Variants in WDPCP observed in about 807,000 individuals in gnomAD.
WDPCP encodes the protein WD repeat-containing and planar cell polarity effector protein fritz homolog.
A neutral mutation model predicts 93.1 loss-of-function variants in WDPCP; 71 were observed. That is an observed-to-expected ratio of 0.76 (90% CI 0.63 to 0.93). The LOEUF is 0.93. Ranked by LOEUF, WDPCP falls within the 40% of genes least tolerant of loss-of-function variation. The pLI, the probability that WDPCP is intolerant of heterozygous loss-of-function variation, is 0.00. For synonymous variants in WDPCP, 315 were observed against 315.0 expected (o/e 1.00, Z 0.00); for missense variants, 844 against 887.4 (o/e 0.95, Z 0.62).
intron 12 of WDPCP, among the ~76,000 whole-genome samples, chr2:63,333,791 CGGAGGGCT>C (rs1688156718): frequency 6.6e-6 from 1 of 152,162 alleles, no homozygotes; most frequent in African/African-American, 2.4e-5. Context: ...TCAGGACCTC[CGGAGGGCT>C]GTGTCATGGG....
rs557733972 is a variant in WDPCP at position 63,140,298 on chromosome 2, C to T, written c.2190+12616G>A. Among the ~76,000 whole-genome samples, 13 of 152,112 alleles carry T rather than the reference C, an allele frequency of 8.5e-5. No individual in the cohort carries two copies. The South Asian group carries it at 2.3e-3, about 27-fold the overall frequency. ...TTAGTCTGCTTTGGCTGTGTGGGCTCTTTCTTGGTTCCATATGAATTTTAG... is the reference window on the plus strand; with the variant it reads ...TTAGTCTGCTTTGGCTGTGTGGGCTTTTTCTTGGTTCCATATGAATTTTAG... On this transcript the variant is annotated intron_variant, in intron 17 of 17. Coordinates refer to ENST00000272321, the MANE Select transcript of WDPCP (RefSeq NM_015910.7).
intron 1 of WDPCP, among the ~76,000 whole-genome samples, chr2:63,532,991 C>T (rs568700097): frequency 6.6e-5 from 10 of 152,096 alleles, no homozygotes; most frequent in African/African-American, 1.7e-4. Context: ...CACATATAGA[C>T]TCAAAATAAA....
chr2:63,517,604 G>A (rs984847522), intron 1 of WDPCP, among the ~76,000 whole-genome samples: 1 of 152,090 alleles, frequency 6.6e-6, no homozygotes, highest in Non-Finnish European at 1.5e-5. Flanking sequence ...GCAAGGTCCA[G>A]GGCCCCATTC....
At chr2:63,461,116 A>C (rs1698978771) in intron 6 of WDPCP, among the ~76,000 whole-genome samples, 1 of 152,190 alleles carries the variant, frequency 6.6e-6, no homozygotes, top group East Asian at 1.9e-4. Context: ...GGAATGGTGC[A>C]TGCAAAGGCC....
chr2:63,713,784 C>G (rs1276419395), intron 2 of WDPCP, among the ~76,000 whole-genome samples: 1 of 152,114 alleles, frequency 6.6e-6, no homozygotes, highest in Non-Finnish European at 1.5e-5. Flanking sequence ...TCATTTAAAC[C>G]AATTCTCATC....
chr2:63,249,102 G>A (rs960316501), intron 14 of WDPCP, among the ~76,000 whole-genome samples: 3 of 151,640 alleles, frequency 2.0e-5, no homozygotes, highest in Admixed American at 6.6e-5. Flanking sequence ...GCCTTGTGGG[G>A]TGTGTGTGTG....
At position 63,588,376 on chromosome 2, in the gene WDPCP, C is replaced by G; in HGVS notation, c.-105G>C. 7.5e-7 allele frequency: 1 copy of G among 1,336,016 alleles called. No homozygotes were observed. Among genetic ancestry groups the G allele is most frequent in the Non-Finnish European group, 1.1e-6 (1 of 950,828 alleles). 82.8% of individuals were successfully genotyped at this position (1,336,016 alleles called of 1,614,324 possible). ...TTGGGTCTCCAGGACGCCGCCGCCG[C>G]CGCCACAGTTTCCTCAGGTGCTACA... On this transcript the variant is annotated 5_prime_UTR_variant, in exon 1 of 18. Coordinates refer to ENST00000272321, the MANE Select transcript of WDPCP (RefSeq NM_015910.7).
At chr2:63,175,780 C>T (rs1673758480) in intron 14 of WDPCP, among the ~76,000 whole-genome samples, 1 of 152,164 alleles carries the variant, frequency 6.6e-6, no homozygotes, top group South Asian at 2.1e-4. Flanking sequence ...CTTTTTAAGA[C>T]TGAATAGTAA....
intron 2 of WDPCP, among the ~76,000 whole-genome samples, chr2:63,778,201 C>CTTGTTTT (rs962921820): frequency 7.3e-6 from 1 of 136,976 alleles, no homozygotes; most frequent in Admixed American, 7.0e-5. Flanking sequence ...CCCTTGTCCA[C>CTTGTTTT]TTGTTTTTTG....
intron 13 of WDPCP, among the ~76,000 whole-genome samples, chr2:63,305,714 A>G (rs1182472555): frequency 6.6e-6 from 1 of 152,214 alleles, no homozygotes; most frequent in Non-Finnish European, 1.5e-5. Context: ...AGTGAGACGA[A>G]TTGACAGTAG....
At chr2:63,733,955 C>G (rs1022463450) in intron 2 of WDPCP, among the ~76,000 whole-genome samples, 1 of 152,146 alleles carries the variant, frequency 6.6e-6, no homozygotes, top group African/African-American at 2.4e-5. Context: ...TACTTTGTCT[C>G]TATGAATGTG....
chr2:63,240,505 C>T (rs1426170070), intron 14 of WDPCP, among the ~76,000 whole-genome samples: 1 of 152,018 alleles, frequency 6.6e-6, no homozygotes, highest in East Asian at 1.9e-4. Flanking sequence ...TAGTTTGTAC[C>T]ATATAACTGC....
intron 2 of WDPCP, among the ~76,000 whole-genome samples, chr2:63,692,920 T>C (rs963014536): frequency 6.6e-6 from 1 of 152,350 alleles, no homozygotes; most frequent in South Asian, 2.1e-4. Context: ...TAACATTTAT[T>C]GAGCACTGGC....
At position 63,130,718 on chromosome 2, in the gene WDPCP, T is replaced by A. The variant is rs1192659618; in HGVS notation, c.2191-8662A>T. ...ATGTGTCTGTTCCATCCAGTTGGTC[T>A]GTAGTGTTTTTCAAGTCTTCTGTTG... On this transcript the variant is annotated intron_variant, in intron 17 of 17. Transcript: ENST00000272321. 2.0e-5 allele frequency among the ~76,000 whole-genome samples: 3 copies of A among 152,226 alleles called. No individual in the cohort carries two copies. The East Asian group carries it at 5.8e-4, about 29-fold the overall frequency.
intron 1 of WDPCP, among the ~76,000 whole-genome samples, chr2:63,581,294 G>C (rs762028138): frequency 2.6e-5 from 4 of 152,186 alleles, no homozygotes; most frequent in Non-Finnish European, 5.9e-5. Context: ...GAGAAGACAA[G>C]GTAGTTAGTT....
At chr2:63,737,355 G>A (rs74380617) in intron 2 of WDPCP, among the ~76,000 whole-genome samples, 1,872 of 152,318 alleles carry the variant, frequency 0.012, 16 homozygotes, top group Non-Finnish European at 0.015. Flanking sequence ...GTCCTAAGAA[G>A]ATTAGCAAAC....
rs574908701 is a variant in WDPCP at position 63,413,019 on chromosome 2, A to C, written c.826-8362T>G. On this transcript the variant is annotated intron_variant, in intron 9 of 17. Coordinates refer to ENST00000272321, the MANE Select transcript of WDPCP (RefSeq NM_015910.7). ...TCATTCTTCATGGAATTAGAAAAAC[A>C]ATTCTAAAATTCATATGGAACCAAA... 3.9e-5 allele frequency among the ~76,000 whole-genome samples: 6 copies of C among 152,298 alleles called. No individual in the cohort carries two copies. In the South Asian group the frequency reaches 1.2e-3, roughly 32 times the overall value.
intron 15 of WDPCP, among the ~76,000 whole-genome samples, chr2:63,160,345 A>C (rs1672559882): frequency 6.6e-6 from 1 of 152,204 alleles, no homozygotes; most frequent in African/African-American, 2.4e-5. Context: ...TGTGATTAAC[A>C]TTTTTATGTT....
chr2:63,319,238 A>G (rs1299618927), intron 12 of WDPCP, among the ~76,000 whole-genome samples: 1 of 152,232 alleles, frequency 6.6e-6, no homozygotes, highest in Non-Finnish European at 1.5e-5. Flanking sequence ...TAAGGGTTTT[A>G]TAGTTGTAGG....
Sources: allele counts gnomAD v4.1 joint callset (sites outside exome capture counted in the v4.1 genomes callset), GRCh38; gene constraint gnomAD v4.1.1; transcripts MANE v1.5; gene names NCBI Gene and HGNC (gene_info 2026-07-23, HGNC 2026-07-21).